Variants in NRXN1 observed in about 807,000 individuals in gnomAD.
The protein encoded by NRXN1 is neurexin-1.
NRXN1 carries 39 observed loss-of-function variants against 150.9 expected under a neutral mutation model. The ratio of observed to expected loss-of-function variants is 0.26; its 90% confidence interval spans 0.20 to 0.34. The LOEUF (loss-of-function observed/expected upper bound fraction) is 0.34. Ranked by LOEUF, NRXN1 falls within the 10% of genes least tolerant of loss-of-function variation. The pLI is 1.00. For synonymous variants in NRXN1, 924 were observed against 757.0 expected, an observed-to-expected ratio of 1.22 and a Z score of -3.62; for missense variants, 1,815 against 1,949.9, an observed-to-expected ratio of 0.93 and a Z score of 1.30.
chr2:50,307,249 T>C (rs1171432038), intron 17 of NRXN1, among the ~76,000 whole-genome samples: 1 of 152,224 alleles, frequency 6.6e-6, no homozygotes, highest in Non-Finnish European at 1.5e-5. Context: ...CCCAAAGTGC[T>C]GGGATCACAG....
At chr2:50,281,947 A>AT (rs2071515647) in intron 17 of NRXN1, among the ~76,000 whole-genome samples, 1 of 152,194 alleles carries the variant, frequency 6.6e-6, no homozygotes, top group African/African-American at 2.4e-5. Flanking sequence ...GTCTTGAGAA[A>AT]AAATTTTATT....
intron 21 of NRXN1, among the ~76,000 whole-genome samples, chr2:50,009,667 A>T (rs888261002): frequency 1.3e-5 from 2 of 152,168 alleles, no homozygotes; most frequent in African/African-American, 2.4e-5. Context: ...AAAAAGAGAG[A>T]CATATCCAAT....
chr2:50,418,133 C>A (rs896883499), intron 17 of NRXN1, among the ~76,000 whole-genome samples: 4 of 151,904 alleles, frequency 2.6e-5, no homozygotes, highest in Non-Finnish European at 5.9e-5. Context: ...TTCCTTTGTA[C>A]TTGAGAGTTA....
At chr2:50,086,815 G>C (rs1335671937) in intron 19 of NRXN1, among the ~76,000 whole-genome samples, 1 of 133,892 alleles carries the variant, frequency 7.5e-6, no homozygotes, top group Non-Finnish European at 1.6e-5. Context: ...GAGAGGCAGA[G>C]AAGAATGAGA....
chr2:50,329,838 T>A (rs932499969), intron 17 of NRXN1, among the ~76,000 whole-genome samples: 13 of 150,636 alleles, frequency 8.6e-5, no homozygotes, highest in African/African-American at 3.2e-4. Flanking sequence ...CATGCCCGGC[T>A]AATTTTTTTA....
chr2:50,713,928 C>A lies in NRXN1; in HGVS notation c.833-90313G>T, dbSNP rs144993891. On this transcript the variant is annotated intron_variant, in intron 5 of 22. Transcript: ENST00000401669. ...ATTATAACCCAGATGTACAGTAAATCAGAGCATTGCTGAATTTAAATTATA... is the reference window on the plus strand; with the variant it reads ...ATTATAACCCAGATGTACAGTAAATAAGAGCATTGCTGAATTTAAATTATA... 2.7e-3 allele frequency among the ~76,000 whole-genome samples: 408 copies of A among 152,156 alleles called. 6 individuals carry two copies. Among genetic ancestry groups the A allele is most frequent in the East Asian group, 0.018 (95 of 5,170 alleles).
chr2:50,420,881 A>C (rs537840724), intron 17 of NRXN1, among the ~76,000 whole-genome samples: 1 of 152,050 alleles, frequency 6.6e-6, no homozygotes, highest in Admixed American at 6.6e-5. Context: ...TTAATAATTA[A>C]TACCAGTACA....
intron 8 of NRXN1, among the ~76,000 whole-genome samples, chr2:50,594,275 G>A (rs937467032): frequency 6.6e-6 from 1 of 152,160 alleles, no homozygotes; most frequent in Non-Finnish European, 1.5e-5. Flanking sequence ...ATTTTTAAAT[G>A]TATGCTCGCA....
chr2:50,300,435 G>A (rs1179734415), intron 17 of NRXN1, among the ~76,000 whole-genome samples: 2 of 152,218 alleles, frequency 1.3e-5, no homozygotes, highest in Admixed American at 6.5e-5. Context: ...CTCTGTGCTG[G>A]CTCCAGGAGG....
At chr2:49,998,934 C>G (rs1683451218) in intron 21 of NRXN1, among the ~76,000 whole-genome samples, 1 of 152,236 alleles carries the variant, frequency 6.6e-6, no homozygotes, top group East Asian at 1.9e-4. Context: ...AACTCCTAGC[C>G]AAACAAAGCA....
At chr2:50,726,825 T>C (rs1353939045) in intron 5 of NRXN1, among the ~76,000 whole-genome samples, 1 of 152,194 alleles carries the variant, frequency 6.6e-6, no homozygotes, top group Non-Finnish European at 1.5e-5. Context: ...TAACAAAAAT[T>C]ATTCAGCATA....
At chr2:50,059,296 G>C (rs1048536747) in intron 19 of NRXN1, among the ~76,000 whole-genome samples, 1 of 152,216 alleles carries the variant, frequency 6.6e-6, no homozygotes, top group Admixed American at 6.5e-5. Flanking sequence ...CATTGAACTT[G>C]AGAGAGATGA....
chr2:50,034,407 T>C (rs908454782), intron 21 of NRXN1, among the ~76,000 whole-genome samples: 6 of 151,740 alleles, frequency 4.0e-5, no homozygotes, highest in African/African-American at 1.5e-4. Context: ...AAAACAAATA[T>C]CACATGTTCT....
intron 18 of NRXN1, among the ~76,000 whole-genome samples, chr2:50,098,848 T>TGG (rs1558874685): frequency 5.1e-4 from 9 of 17,642 alleles, no homozygotes; most frequent in African/African-American, 1.7e-3. Context: ...TTTTTTTTTT[T>TGG]TTTTTTTTTT....
intron 5 of NRXN1, among the ~76,000 whole-genome samples, chr2:50,781,011 G>C (rs985484742): frequency 6.6e-6 from 1 of 152,160 alleles, no homozygotes; most frequent in East Asian, 1.9e-4. Context: ...ACCTGCTGCA[G>C]TTTTATGAAT....
Position 49,994,195 on chromosome 2 carries a change from C to T in NRXN1, c.4129-50404G>A, listed in dbSNP as rs556352457. Among the ~76,000 whole-genome samples the T allele has an allele frequency of 2.0e-4, 31 of 152,312 alleles. 1 individual carries two copies. The South Asian group carries it at 6.4e-3, about 32-fold the overall frequency. On this transcript the variant is annotated intron_variant, in intron 21 of 22. Coordinates refer to ENST00000401669, the MANE Select transcript of NRXN1 (RefSeq NM_001330078.2). ...CTCATAATTGGAACCCAAACTTGCTCTTCAATGTGTTGATGACTCTGCAGA... is the reference window on the plus strand; with the variant it reads ...CTCATAATTGGAACCCAAACTTGCTTTTCAATGTGTTGATGACTCTGCAGA...
intron 8 of NRXN1, among the ~76,000 whole-genome samples, chr2:50,563,285 G>A (rs989315159): frequency 3.3e-5 from 5 of 152,172 alleles, no homozygotes; most frequent in Admixed American, 6.6e-5. Context: ...AAGTTATAAC[G>A]CATAAATGAG....
chr2:50,536,088 A>T (rs1297283773), intron 10 of NRXN1, among the ~76,000 whole-genome samples: 11 of 152,190 alleles, frequency 7.2e-5, no homozygotes, highest in African/African-American at 2.7e-4. Context: ...TTCAGGCACA[A>T]TCTTGTGTTA....
chr2:50,577,584 C>T (rs552209226), intron 8 of NRXN1, among the ~76,000 whole-genome samples: 2 of 152,058 alleles, frequency 1.3e-5, no homozygotes, highest in South Asian at 4.1e-4. Context: ...AGGTTAACAC[C>T]GTGTAAAAAT....
Sources: gnomAD v4.1 joint callset for allele counts (sites outside exome capture counted in the v4.1 genomes callset) on GRCh38, gnomAD v4.1.1 for gene constraint, MANE v1.5 for transcripts, NCBI Gene and HGNC (gene_info 2026-07-23, HGNC 2026-07-21) for gene names.